The following CHMP2B variants were observed in gnomAD, a reference collection of about 807,000 sequenced individuals.
CHMP2B encodes the protein VPS2 homolog B.
Under a neutral mutation model 29.8 loss-of-function variants are expected in CHMP2B, and 22 were observed. The ratio of observed to expected loss-of-function variants is 0.74; its 90% CI spans 0.53 to 1.05. The LOEUF is 1.05. CHMP2B is among the 50% of genes least tolerant of loss of function. The pLI is 0.00. For missense variants in CHMP2B, 261 were observed against 252.2 expected (o/e 1.03, Z -0.24); for synonymous variants, 78 against 75.8 (o/e 1.03, Z -0.15).
At chr3:87,228,463 A>G (rs575738363) in intron 1 of CHMP2B, among the ~76,000 whole-genome samples, 1 of 152,210 alleles carries the variant, frequency 6.6e-6, no homozygotes, top group Non-Finnish European at 1.5e-5. Flanking sequence ...ACTTCTTTGT[A>G]AGGGTCTAAT....
chr3:87,240,854 A>G, intron 2 of CHMP2B, 64 bp downstream of exon 2: 4 of 1,199,768 alleles, frequency 3.3e-6, no homozygotes, highest in Non-Finnish European at 5.0e-6. Context: ...TGTAGGAATA[A>G]TTAGCTAACT....
At chr3:87,229,539 T>C (rs184969988) in intron 1 of CHMP2B, among the ~76,000 whole-genome samples, 54 of 152,284 alleles carry the variant, frequency 3.5e-4, no homozygotes, top group Admixed American at 1.7e-3. Flanking sequence ...GAGCTTTACT[T>C]TTTTTATTCC....
intron 2 of CHMP2B, among the ~76,000 whole-genome samples, chr3:87,242,766 C>T (rs1227079616): frequency 6.6e-6 from 1 of 152,146 alleles, no homozygotes; most frequent in African/African-American, 2.4e-5. Context: ...ACGTAGGCAT[C>T]TTTCTGGGCT....
chr3:87,235,226 T>TA (rs1705980241), intron 1 of CHMP2B, among the ~76,000 whole-genome samples: 2 of 152,234 alleles, frequency 1.3e-5, no homozygotes, highest in African/African-American at 4.8e-5. Flanking sequence ...AATTTGGCTG[T>TA]AAAAACATTA....
chr3:87,230,426 A>G, intron 1 of CHMP2B, among the ~76,000 whole-genome samples: 1 of 152,206 alleles, frequency 6.6e-6, no homozygotes, highest in Non-Finnish European at 1.5e-5. Context: ...CTAGGACCTC[A>G]TCCCTTTGAG....
In CHMP2B at chr3:87,255,248, A is replaced by G. The variant is rs1361284727; in HGVS notation, c.*1426A>G. 1 of 152,434 alleles carries G rather than the reference A, an allele frequency of 6.6e-6. No individual in the cohort carries two copies. The highest frequency in any genetic ancestry group is 1.5e-5 in the Non-Finnish European group (1 of 67,926). 9.4% of individuals were successfully genotyped at this position (152,434 alleles called of 1,614,324 possible). The stretch of plus-strand genomic sequence containing the variant: ...AAACTGTATAGTTTATATTCCGTAA[A>G]CCATTTTATAATGTTCAAAGATTAG... On this transcript the variant is annotated 3_prime_UTR_variant, in exon 6 of 6. Transcript: ENST00000263780.
rs1419555228 is a variant in CHMP2B at position 87,254,652 on chromosome 3, T to C, written c.*830T>C. ...TGACTTGTCCCTTTGATGTCACTAC[T>C]GTGAATTGAATATAATTAGTAAAAA... On this transcript the variant is annotated 3_prime_UTR_variant, in exon 6 of 6. Transcript: ENST00000263780. 1 of 152,006 alleles carries C rather than the reference T, an allele frequency of 6.6e-6. No individual in the cohort carries two copies. Among genetic ancestry groups the C allele is most frequent in the African/African-American group, 2.4e-5 (1 of 41,446 alleles). 9.4% of individuals were successfully genotyped at this position (152,006 alleles called of 1,614,324 possible).
rs1429383120 is a variant in CHMP2B, at chr3:87,245,760, G to A, written c.173G>A (p.Cys58Tyr). The change falls in exon 3 of 6, where the codon TGC (cysteine) becomes TAC (tyrosine). Residue 58 changes from cysteine (C) to tyrosine (Y), a missense_variant. Transcript: ENST00000263780. ...GCCAAGATTGGTAATAAGGAAGCTT[G>A]CAAAGTTTTAGCCAAACAACTTGTG... Reference protein sequence around the residue: ...KMAKIGNKEACKVLAKQLVHL... With the variant: ...KMAKIGNKEAYKVLAKQLVHL... The A allele has an allele frequency of 6.2e-7, 1 of 1,613,670 alleles. No homozygotes were observed. The highest frequency in any genetic ancestry group is 1.3e-5 in the African/African-American group (1 of 74,888).
At chr3:87,243,635 G>C (rs1451374789) in intron 2 of CHMP2B, among the ~76,000 whole-genome samples, 1 of 151,946 alleles carries the variant, frequency 6.6e-6, no homozygotes. Context: ...TTTCTTTGTG[G>C]GTAGGTTATT....
chr3:87,239,130 G>A (rs1042149900), intron 1 of CHMP2B, among the ~76,000 whole-genome samples: 3 of 151,932 alleles, frequency 2.0e-5, no homozygotes, highest in Non-Finnish European at 4.4e-5. Flanking sequence ...TTTGTATCTC[G>A]TTTCTTGAGT....
intron 2 of CHMP2B, among the ~76,000 whole-genome samples, chr3:87,244,363 A>T (rs1032085859): frequency 2.6e-5 from 4 of 151,362 alleles, no homozygotes; most frequent in South Asian, 2.1e-4. Flanking sequence ...ATATATATAT[A>T]TTTTTTGTTT....
intron 1 of CHMP2B, among the ~76,000 whole-genome samples, chr3:87,238,653 A>G (rs1433067204): frequency 6.6e-6 from 1 of 152,142 alleles, no homozygotes; most frequent in Admixed American, 6.5e-5. Context: ...TGATAGCTAC[A>G]TGATACTCCA....
chr3:87,253,706 A>G lies in CHMP2B; in HGVS notation c.532-6A>G, dbSNP rs956540488. The G allele has an allele frequency of 6.2e-7, 1 of 1,610,508 alleles. No individual in the cohort carries two copies. Among genetic ancestry groups the G allele is most frequent in the Non-Finnish European group, 8.5e-7 (1 of 1,177,188 alleles). On this transcript the variant is annotated splice_region_variant and splice_polypyrimidine_tract_variant and intron_variant, in intron 5 of 5. Coordinates refer to ENST00000263780, the MANE Select transcript of CHMP2B (RefSeq NM_014043.4). The stretch of plus-strand genomic sequence containing the variant: ...GCACGTTTGTCTTTTTCATTGTTTA[A>G]TATAGATGGCCAAAGCTCCATCAGC...
At chr3:87,228,604 G>A (rs1379612344) in intron 1 of CHMP2B, among the ~76,000 whole-genome samples, 5 of 152,176 alleles carry the variant, frequency 3.3e-5, no homozygotes, top group African/African-American at 4.8e-5. Context: ...TTTTGGGGAG[G>A]ATAACAAAGA....
intron 3 of CHMP2B, among the ~76,000 whole-genome samples, chr3:87,246,951 G>A (rs1162648432): frequency 6.6e-6 from 1 of 152,178 alleles, no homozygotes; most frequent in African/African-American, 2.4e-5. Flanking sequence ...AAAAGACATT[G>A]CATAAGACAA....
In CHMP2B at chr3:87,240,724, G is replaced by A; in HGVS notation, c.60G>A (p.Glu20=). ...ATGTAATAAAGGAACAGAATCGAGA[G>A]TTACGAGGTACACAGAGGGCTATAA... is the stretch of plus-strand genomic sequence containing the variant. ...VDDVIKEQNR[E]LRGTQRAIIR... The change falls in exon 2 of 6, where the codon GAG becomes GAA. Residue 20 remains glutamate (E), a synonymous_variant. Transcript: ENST00000263780. 6.2e-7 allele frequency: 1 copy of A among 1,613,306 alleles called. No homozygotes were observed. The highest frequency in any genetic ancestry group is 2.2e-5 in the East Asian group (1 of 44,834).
At chr3:87,248,057 G>A (rs543857351) in intron 3 of CHMP2B, among the ~76,000 whole-genome samples, 2 of 152,106 alleles carry the variant, frequency 1.3e-5, no homozygotes, top group Non-Finnish European at 1.5e-5. Context: ...CAGCACTTTG[G>A]GAGGTCAAGG....
intron 2 of CHMP2B, among the ~76,000 whole-genome samples, chr3:87,245,480 A>T: frequency 6.9e-6 from 1 of 144,534 alleles, no homozygotes; most frequent in Non-Finnish European, 1.5e-5. Context: ...TGTTTTGTAG[A>T]CTTGCTTTGT....
At chr3:87,227,640 T>A in intron 1 of CHMP2B, 84 bp downstream of exon 1, 2 of 1,545,314 alleles carry the variant, frequency 1.3e-6, no homozygotes, top group South Asian at 2.2e-5. Flanking sequence ...TTCTGCCTAC[T>A]GTCCCTGGAG....
Sources: allele counts gnomAD v4.1 joint callset (sites outside exome capture counted in the v4.1 genomes callset), GRCh38; gene constraint gnomAD v4.1.1; transcripts MANE v1.5; gene names NCBI Gene and HGNC (gene_info 2026-07-23, HGNC 2026-07-21).